The following TRIM25 variants were observed in gnomAD, a reference collection of about 807,000 sequenced individuals.
TRIM25 encodes the protein E3 ubiquitin/ISG15 ligase TRIM25.
Under a neutral mutation model 65.2 loss-of-function variants are expected in TRIM25, and 45 were observed. The observed-to-expected ratio is 0.69, with a 90% confidence interval of 0.54 to 0.89. The LOEUF (loss-of-function observed/expected upper bound fraction) is 0.89. Ranked by LOEUF, TRIM25 falls within the 40% of genes least tolerant of loss-of-function variation. TRIM25 has a pLI of 0.00. For synonymous variants in TRIM25, 321 were observed against 340.4 expected, an observed-to-expected ratio of 0.94 and a Z score of 0.63; for missense variants, 714 against 803.7, an observed-to-expected ratio of 0.89 and a Z score of 1.35.
chr17:56,897,384 C>T (rs1401415390), intron 5 of TRIM25, among the ~76,000 whole-genome samples: 1 of 152,096 alleles, frequency 6.6e-6, no homozygotes, highest in Admixed American at 6.5e-5. Context: ...TCTCCCTCCC[C>T]CAGACCCCCA....
chr17:56,899,052 G>C, intron 5 of TRIM25, 63 bp downstream of exon 5: 1 of 1,591,992 alleles, frequency 6.3e-7, no homozygotes, highest in Non-Finnish European at 8.6e-7. Context: ...GAAGTGACTT[G>C]GCCAGAGCCT....
At chr17:56,903,414 A>C (rs1224639905) in intron 3 of TRIM25, among the ~76,000 whole-genome samples, 1 of 152,148 alleles carries the variant, frequency 6.6e-6, no homozygotes, top group Non-Finnish European at 1.5e-5. Flanking sequence ...AAATACATAA[A>C]ATAAATAAAT....
intron 3 of TRIM25, among the ~76,000 whole-genome samples, chr17:56,903,621 G>A (rs568634622): frequency 6.6e-6 from 1 of 152,228 alleles, no homozygotes; most frequent in South Asian, 2.1e-4. Flanking sequence ...TCGGCAGGAC[G>A]GTGAATGAAA....
chr17:56,900,244 G>A (rs73311818), intron 4 of TRIM25, among the ~76,000 whole-genome samples: 1,824 of 151,968 alleles, frequency 0.012, 36 homozygotes, highest in African/African-American at 0.04. Context: ...TTAATTAGCC[G>A]GGCATGATGG....
chr17:56,904,576 A>G, intron 2 of TRIM25, 88 bp from the exon 3 acceptor site: 2 of 1,208,268 alleles, frequency 1.7e-6, no homozygotes, highest in Non-Finnish European at 2.4e-6. Flanking sequence ...GTGGAGTTCC[A>G]GGAACTCTTA....
chr17:56,909,925 A>G (rs1039232739), intron 1 of TRIM25, among the ~76,000 whole-genome samples: 1 of 152,200 alleles, frequency 6.6e-6, no homozygotes, highest in Non-Finnish European at 1.5e-5. Context: ...GCCAGTATTT[A>G]TTATGCACTT....
At chr17:56,897,681 G>A (rs1331832882) in intron 5 of TRIM25, among the ~76,000 whole-genome samples, 1 of 152,168 alleles carries the variant, frequency 6.6e-6, no homozygotes, top group African/African-American at 2.4e-5. Flanking sequence ...TCTCCAGGGT[G>A]TCATTCTGCT....
intron 5 of TRIM25, among the ~76,000 whole-genome samples, chr17:56,896,939 T>C (rs1469619640): frequency 6.7e-6 from 1 of 148,762 alleles, no homozygotes; most frequent in Admixed American, 6.7e-5. Context: ...ATCCTGTCTC[T>C]ACAAAAAAAA....
intron 8 of TRIM25, among the ~76,000 whole-genome samples, chr17:56,895,082 C>T (rs1909259398): frequency 6.6e-6 from 1 of 152,100 alleles, no homozygotes; most frequent in Non-Finnish European, 1.5e-5. Flanking sequence ...CAGGCGCCGA[C>T]CCACAGAGAA....
chr17:56,902,503 G>A (rs962174586), intron 3 of TRIM25, among the ~76,000 whole-genome samples: 2 of 152,200 alleles, frequency 1.3e-5, no homozygotes, highest in Non-Finnish European at 2.9e-5. Flanking sequence ...ATACGGCATG[G>A]CAATGGGATC....
In TRIM25 at chr17:56,889,153, A is replaced by G. The variant is rs796133670; in HGVS notation, c.*2547T>C. The stretch of plus-strand genomic sequence containing the variant: ...AGATCAATTTCAGAGTACTTAAAAC[A>G]GGAATAATCAGCTACCACATCTTGA... On this transcript the variant is annotated 3_prime_UTR_variant, in exon 9 of 9. Coordinates refer to ENST00000316881, the MANE Select transcript of TRIM25 (RefSeq NM_005082.5). 5 of 152,254 alleles carry G rather than the reference A, an allele frequency of 3.3e-5. No individual in the cohort carries two copies. The South Asian group carries it at 1.0e-3, about 31-fold the overall frequency. 9.4% of individuals were successfully genotyped at this position (152,254 alleles called of 1,614,324 possible).
rs533522642 is a variant in TRIM25, at chr17:56,892,305, T to C, written c.1364-76A>G. The stretch of plus-strand genomic sequence containing the variant: ...TTTTAGACCTTTGCCAAAGTGGTAC[T>C]ATTTATTCACTAGTTTTATCCATCC... On this transcript the variant is annotated intron_variant, in intron 8 of 8. Transcript: ENST00000316881. 6 of 1,482,530 alleles carry C rather than the reference T, an allele frequency of 4.0e-6. No individual in the cohort carries two copies. In the African/African-American group the frequency reaches 8.4e-5, roughly 21 times the overall value. The allele number at this position is 1,482,530 out of a possible 1,614,324, so 91.8% of individuals were successfully genotyped here.
Position 56,913,322 on chromosome 17 carries a change from G to A in TRIM25, c.597+70C>T. On this transcript the variant is annotated intron_variant, in intron 1 of 8. Coordinates refer to ENST00000316881, the MANE Select transcript of TRIM25 (RefSeq NM_005082.5). The surrounding 1 kb of genome is among the most constrained non-coding windows in gnomAD (Gnocchi z 6.1). ...AGGGCGTCCAGAGTGTGGCAGAGAG[G>A]CCCCCGGTGGCCCCTCTGCACCACC... The A allele has an allele frequency of 1.4e-6, 2 of 1,409,608 alleles. No homozygotes were observed. The highest frequency in any genetic ancestry group is 1.9e-6 in the Non-Finnish European group (2 of 1,053,460). The allele number at this position is 1,409,608 out of a possible 1,614,324, so 87.3% of individuals were successfully genotyped here. A position where few individuals can be genotyped will look rare whatever the true frequency, so the allele number is the denominator to read the frequency against.
chr17:56,893,028 GA>G (rs1218052025), intron 8 of TRIM25, among the ~76,000 whole-genome samples: 1 of 152,260 alleles, frequency 6.6e-6, no homozygotes, highest in Non-Finnish European at 1.5e-5. Flanking sequence ...AACAGAGAGA[GA>G]AAAGCTGTTC....
chr17:56,899,184 T>C lies in TRIM25; in HGVS notation c.1088-4A>G, dbSNP rs200125097. 1 of 1,614,160 alleles carries C rather than the reference T, an allele frequency of 6.2e-7. No homozygotes were observed. Among genetic ancestry groups the C allele is most frequent in the Non-Finnish European group, 8.5e-7 (1 of 1,180,020 alleles). ...GGGTCATGCTCTCCAGGGTCACCTG[T>C]GTCAGAGAAGAAGGGCTCAGTGTGT... is the stretch of plus-strand genomic sequence containing the variant. On this transcript the variant is annotated splice_region_variant and splice_polypyrimidine_tract_variant and intron_variant, in intron 4 of 8. Transcript: ENST00000316881.
At chr17:56,895,166 T>C (rs368307221) in intron 8 of TRIM25, among the ~76,000 whole-genome samples, 177 bp downstream of exon 8, 1 of 151,672 alleles carries the variant, frequency 6.6e-6, no homozygotes, top group Admixed American at 6.6e-5. Context: ...CTGAGCTAGT[T>C]AGGAAAAGTA....
rs1247040772 is a variant in TRIM25, at chr17:56,887,918, G to A, written c.*3782C>T. The A allele has an allele frequency of 6.6e-6, 1 of 152,170 alleles. No homozygotes were observed. The highest frequency in any genetic ancestry group is 1.5e-5 in the Non-Finnish European group (1 of 68,042). 9.4% of individuals were successfully genotyped at this position (152,170 alleles called of 1,614,324 possible). ...TCACAGAACTCAGGACTATACTTAT[G>A]ATTAGTTTTATTATAAAGGATACAA... On this transcript the variant is annotated 3_prime_UTR_variant, in exon 9 of 9. Transcript: ENST00000316881.
At chr17:56,892,434 TATCC>T (rs1343278967) in intron 8 of TRIM25, among the ~76,000 whole-genome samples, 1 of 152,152 alleles carries the variant, frequency 6.6e-6, no homozygotes, top group Non-Finnish European at 1.5e-5. Flanking sequence ...TCCATCCATG[TATCC>T]ATCCATCCAT....
chr17:56,895,261 G>T (rs759672764), intron 8 of TRIM25, 82 bp downstream of exon 8: 9 of 1,112,590 alleles, frequency 8.1e-6, no homozygotes, highest in South Asian at 1.3e-5. Context: ...TAGCCGGCCA[G>T]CTGGCCTCAC....
Sources: gnomAD v4.1 joint callset for allele counts (sites outside exome capture counted in the v4.1 genomes callset) on GRCh38, gnomAD v4.1.1 for gene constraint, Gnocchi (gnomAD v3.1) non-coding constraint, MANE v1.5 for transcripts, NCBI Gene and HGNC (gene_info 2026-07-23, HGNC 2026-07-21) for gene names.